Variants in SLC44A5 observed in about 807,000 individuals in gnomAD.
SLC44A5 encodes the protein solute carrier family 44 member 5, also known as choline transporter-like protein 5.
In SLC44A5, 57 loss-of-function variants were observed where a neutral mutation model predicts 101.8. That is an observed-to-expected ratio of 0.56 (90% CI 0.45 to 0.70). SLC44A5 has a LOEUF of 0.70. Among genes scored for constraint, SLC44A5 ranks in the 30% least tolerant of loss-of-function variants. SLC44A5 has a pLI of 0.00. For missense variants in SLC44A5, 737 were observed against 853.1 expected (o/e 0.86, Z 1.70); for synonymous variants, 281 against 290.9 (o/e 0.97, Z 0.35).
At chr1:75,278,681 G>A (rs1652133123) in intron 5 of SLC44A5, among the ~76,000 whole-genome samples, 1 of 152,252 alleles carries the variant, frequency 6.6e-6, no homozygotes, top group Non-Finnish European at 1.5e-5. Context: ...GAGTAGTCAA[G>A]TGCTTACACC....
At chr1:75,636,134 T>C in the SLC44A5 span, among the ~76,000 whole-genome samples, 4 of 152,082 alleles carry the variant, frequency 2.6e-5, no homozygotes, top group African/African-American at 9.7e-5. Context: ...GTTTACACAT[T>C]TTTTAGCTTC....
At chr1:75,633,037 T>A in the SLC44A5 span, among the ~76,000 whole-genome samples, 7 of 152,314 alleles carry the variant, frequency 4.6e-5, no homozygotes, top group African/African-American at 1.7e-4. Context: ...GGAAAAGCTA[T>A]ACACACACTC....
intron 2 of SLC44A5, among the ~76,000 whole-genome samples, chr1:75,454,345 A>C (rs1364666593): frequency 6.6e-6 from 1 of 152,144 alleles, no homozygotes; most frequent in Non-Finnish European, 1.5e-5. Context: ...GATGAAATCC[A>C]ACCTCACTTT....
At chr1:75,516,718 C>T (rs1669860954) in intron 2 of SLC44A5, among the ~76,000 whole-genome samples, 1 of 152,134 alleles carries the variant, frequency 6.6e-6, no homozygotes, top group African/African-American at 2.4e-5. Context: ...GCATCCAGCA[C>T]AATGCATGGC....
intron 4 of SLC44A5, among the ~76,000 whole-genome samples, chr1:75,303,452 T>C (rs950103003): frequency 4.6e-5 from 7 of 152,184 alleles, no homozygotes; most frequent in Non-Finnish European, 1.0e-4. Flanking sequence ...GCCAGGCTGG[T>C]TTCGAACTCC....
At chr1:75,452,451 T>G (rs1160640608) in intron 2 of SLC44A5, among the ~76,000 whole-genome samples, 1 of 152,056 alleles carries the variant, frequency 6.6e-6, no homozygotes, top group Non-Finnish European at 1.5e-5. Context: ...AACACACACT[T>G]AAGTACAGAG....
chr1:75,318,732 C>T (rs1369486872), intron 4 of SLC44A5, among the ~76,000 whole-genome samples: 4 of 152,158 alleles, frequency 2.6e-5, no homozygotes, highest in Admixed American at 1.3e-4. Flanking sequence ...CTTGAATAAT[C>T]TACTCTAAGC....
At chr1:75,549,011 A>G (rs186371994) in intron 1 of SLC44A5, among the ~76,000 whole-genome samples, 82 of 152,262 alleles carry the variant, frequency 5.4e-4, no homozygotes, top group African/African-American at 1.9e-3. Flanking sequence ...TATGGCTATA[A>G]TCTCAGCCAG....
chr1:75,463,369 G>A (rs556904282), intron 2 of SLC44A5, among the ~76,000 whole-genome samples: 3 of 135,062 alleles, frequency 2.2e-5, no homozygotes, highest in East Asian at 4.9e-4. Context: ...GCAGTGAGCC[G>A]AGATTGTGCC....
At chr1:75,413,378 C>A (rs565156941) in intron 2 of SLC44A5, among the ~76,000 whole-genome samples, 12 of 152,236 alleles carry the variant, frequency 7.9e-5, no homozygotes, top group African/African-American at 2.9e-4. Flanking sequence ...TCCTCTCTTA[C>A]AAGTCACCAT....
At chr1:75,255,858 C>T (rs904856998) in intron 6 of SLC44A5, among the ~76,000 whole-genome samples, 10 of 151,626 alleles carry the variant, frequency 6.6e-5, no homozygotes, top group African/African-American at 2.4e-4. Context: ...AATGTCTTCA[C>T]ATTTCTGAAA....
intron 2 of SLC44A5, among the ~76,000 whole-genome samples, chr1:75,426,405 ATAATC>A (rs1284822719): frequency 2.0e-5 from 3 of 152,338 alleles, no homozygotes; most frequent in Non-Finnish European, 4.4e-5. Context: ...CACCAGTTCC[ATAATC>A]AGAATCCCTA....
the SLC44A5 span, among the ~76,000 whole-genome samples, chr1:75,665,627 G>A: frequency 6.6e-6 from 1 of 152,068 alleles, no homozygotes; most frequent in Non-Finnish European, 1.5e-5. Context: ...AAGACCTTCT[G>A]CACAGCAAAA....
intron 1 of SLC44A5, chr1:75,582,692 C>A (rs577938317): frequency 4.9e-4 from 85 of 173,224 alleles, no homozygotes; most frequent in African/African-American, 1.9e-3. Context: ...CTCCCCTACC[C>A]CCACAAAAAA....
At chr1:75,285,611 T>C (rs1322140295) in intron 5 of SLC44A5, among the ~76,000 whole-genome samples, 2 of 152,148 alleles carry the variant, frequency 1.3e-5, no homozygotes, top group African/African-American at 4.8e-5. Context: ...TTTAATGCTA[T>C]GAAGAGTCAT....
At chr1:75,543,614 C>CACACATATATATACGTATATAT (rs1362796739) in intron 1 of SLC44A5, among the ~76,000 whole-genome samples, 1 of 146,614 alleles carries the variant, frequency 6.8e-6, no homozygotes, top group East Asian at 2.0e-4. Flanking sequence ...TATATACACA[C>CACACATATATATACGTATATAT]ACACATATAT....
At chr1:75,651,814 G>C in the SLC44A5 span, among the ~76,000 whole-genome samples, 2 of 151,842 alleles carry the variant, frequency 1.3e-5, no homozygotes, top group Admixed American at 6.6e-5. Context: ...AGGCAGACCT[G>C]AGCAGGGCAG....
chr1:75,221,574 A>G lies in SLC44A5; in HGVS notation c.1085+787T>C, dbSNP rs528868338. ...CCTAGAATCAATTGTCCTGTCTATT[A>G]GAAAATTATGTCACTCAGACAGAAG... On this transcript the variant is annotated intron_variant, in intron 14 of 23. Transcript: ENST00000370859. Among the ~76,000 whole-genome samples the G allele has an allele frequency of 5.8e-4, 88 of 152,318 alleles. 1 individual carries two copies. Among genetic ancestry groups the G allele is most frequent in the African/African-American group, 1.1e-3 (44 of 41,576 alleles).
intron 3 of SLC44A5, chr1:75,357,097 A>G: frequency 2.3e-6 from 1 of 430,754 alleles, no homozygotes; most frequent in South Asian, 1.6e-5. Flanking sequence ...TAAGAACTGA[A>G]ATCAATTTTA....
Sources: gnomAD v4.1 joint callset for allele counts (sites outside exome capture counted in the v4.1 genomes callset) on GRCh38, gnomAD v4.1.1 for gene constraint, MANE v1.5 for transcripts, NCBI Gene and HGNC (gene_info 2026-07-23, HGNC 2026-07-21) for gene names.